The following LINGO2 variants were observed in gnomAD, a reference collection of about 807,000 sequenced individuals.
LINGO2 encodes the protein leucine rich repeat and Ig domain containing 2.
Under a neutral mutation model 30.6 loss-of-function variants are expected in LINGO2, and 14 were observed. That is an observed-to-expected ratio of 0.46 (90% CI 0.30 to 0.72). LINGO2 has a LOEUF of 0.72. Ranked by LOEUF, LINGO2 falls within the 30% of genes least tolerant of loss-of-function variation. The pLI, the probability that LINGO2 is intolerant of heterozygous loss-of-function variation, is 0.07. For synonymous variants in LINGO2, 317 were observed against 288.5 expected, an observed-to-expected ratio of 1.10 and a Z score of -1.00; for missense variants, 729 against 751.7, an observed-to-expected ratio of 0.97 and a Z score of 0.35.
At chr9:28,711,631 G>T in the LINGO2 span, among the ~76,000 whole-genome samples, 1,747 of 152,202 alleles carry the variant, frequency 0.011, 32 homozygotes, top group East Asian at 0.08. Context: ...TCAAGTGTGG[G>T]TCAGAAGAGT....
the LINGO2 span, among the ~76,000 whole-genome samples, chr9:28,781,941 T>G: frequency 2.0e-5 from 3 of 152,186 alleles, no homozygotes; most frequent in Non-Finnish European, 2.9e-5. Flanking sequence ...TGCTATACAT[T>G]TTTAAACCAA....
intron 1 of LINGO2, among the ~76,000 whole-genome samples, chr9:28,554,465 T>TGCACCCAATACAGGA (rs1822525478): frequency 6.8e-6 from 1 of 146,054 alleles, no homozygotes; most frequent in Non-Finnish European, 1.5e-5. Context: ...TAAATATATA[T>TGCACCCAATACAGGA]GCACCCAATA....
At chr9:28,996,670 C>G in the LINGO2 span, among the ~76,000 whole-genome samples, 1 of 152,150 alleles carries the variant, frequency 6.6e-6, no homozygotes, top group African/African-American at 2.4e-5. Flanking sequence ...TTAAAGTATT[C>G]ATTCTGAATT....
the LINGO2 span, among the ~76,000 whole-genome samples, chr9:28,895,384 A>G: frequency 1.3e-5 from 2 of 152,116 alleles, no homozygotes; most frequent in African/African-American, 4.8e-5. Flanking sequence ...AAGATTGCAA[A>G]AACTGCAACC....
chr9:28,657,786 C>A (rs1371695524), intron 1 of LINGO2, among the ~76,000 whole-genome samples: 1 of 151,756 alleles, frequency 6.6e-6, no homozygotes, highest in African/African-American at 2.4e-5. Flanking sequence ...TTTCTTACTT[C>A]TAGATTTGGG....
At chr9:28,671,840 T>G (rs904902423), upstream of LINGO2, among the ~76,000 whole-genome samples, 3 of 152,004 alleles carry the variant, frequency 2.0e-5, no homozygotes, top group African/African-American at 7.2e-5. Context: ...AAGGCACATA[T>G]AGAAGATTGG....
intron 3 of LINGO2, among the ~76,000 whole-genome samples, chr9:28,367,100 T>A (rs1564153612): frequency 1.4e-5 from 2 of 144,244 alleles, no homozygotes; most frequent in African/African-American, 5.2e-5. Flanking sequence ...ATAATTTTGG[T>A]TAAATCAAAA....
intron 4 of LINGO2, among the ~76,000 whole-genome samples, chr9:28,239,859 T>C (rs1184569619): frequency 1.3e-5 from 2 of 152,166 alleles, no homozygotes; most frequent in African/African-American, 2.4e-5. Flanking sequence ...TCTTTGCAGA[T>C]GATATGATCT....
chr9:29,159,424 T>C, the LINGO2 span, among the ~76,000 whole-genome samples: 7 of 152,342 alleles, frequency 4.6e-5, no homozygotes, highest in East Asian at 5.8e-4. Flanking sequence ...TAATCAAGTT[T>C]AATCTATTGA....
chr9:28,570,419 A>G (rs1823627732), intron 1 of LINGO2, among the ~76,000 whole-genome samples: 1 of 151,996 alleles, frequency 6.6e-6, no homozygotes, highest in Admixed American at 6.6e-5. Flanking sequence ...TCAGGAACAA[A>G]GATGGATTAA....
chr9:29,066,563 A>C, the LINGO2 span, among the ~76,000 whole-genome samples: 1 of 151,930 alleles, frequency 6.6e-6, no homozygotes, highest in Non-Finnish European at 1.5e-5. Context: ...TCAGAAAGAC[A>C]TTCAACATTT....
chr9:28,786,139 T>C, the LINGO2 span, among the ~76,000 whole-genome samples: 4 of 152,198 alleles, frequency 2.6e-5, no homozygotes, highest in African/African-American at 7.2e-5. Context: ...TCAATGGCAA[T>C]CCATTTTTCT....
the LINGO2 span, among the ~76,000 whole-genome samples, chr9:29,201,484 C>T: frequency 1.3e-5 from 2 of 152,056 alleles, 1 homozygote; most frequent in African/African-American, 4.8e-5. Flanking sequence ...ATCAATTAAG[C>T]CATCTATAAC....
chr9:28,102,044 C>A (rs533264056), intron 4 of LINGO2, among the ~76,000 whole-genome samples: 23 of 152,000 alleles, frequency 1.5e-4, no homozygotes, highest in Non-Finnish European at 3.1e-4. Context: ...CACCTTGATC[C>A]CTCCCACTGA....
the LINGO2 span, among the ~76,000 whole-genome samples, chr9:29,200,912 C>A: frequency 2.5e-4 from 38 of 151,940 alleles, no homozygotes; most frequent in Admixed American, 8.5e-4. Flanking sequence ...TGGGATTTGC[C>A]TATTTTTTTT....
At chr9:28,092,498 A>G (rs930494877) in intron 4 of LINGO2, among the ~76,000 whole-genome samples, 1 of 147,782 alleles carries the variant, frequency 6.8e-6, no homozygotes, top group Non-Finnish European at 1.5e-5. Flanking sequence ...CTGAACAATG[A>G]GAACACTTAG....
chr9:28,048,683 A>G (rs527436958), intron 4 of LINGO2, among the ~76,000 whole-genome samples: 2 of 151,074 alleles, frequency 1.3e-5, no homozygotes, highest in Admixed American at 1.3e-4. Context: ...CTTATCTACG[A>G]TGCCAAAAGG....
the LINGO2 span, among the ~76,000 whole-genome samples, chr9:28,862,563 C>A: frequency 6.6e-6 from 1 of 152,008 alleles, no homozygotes; most frequent in Non-Finnish European, 1.5e-5. Flanking sequence ...TATGCATAAT[C>A]CACTTCTAAG....
chr9:28,765,322 A>C, the LINGO2 span, among the ~76,000 whole-genome samples: 2 of 152,114 alleles, frequency 1.3e-5, no homozygotes, highest in Non-Finnish European at 2.9e-5. Context: ...AATAGGACAG[A>C]CTAGAGAGCC....
Sources: allele counts gnomAD v4.1 joint callset (sites outside exome capture counted in the v4.1 genomes callset), GRCh38; gene constraint gnomAD v4.1.1; transcripts MANE v1.5; gene names NCBI Gene and HGNC (gene_info 2026-07-23, HGNC 2026-07-21).